Variants in VPS13D observed in about 807,000 individuals in gnomAD.
VPS13D encodes the protein vacuolar protein sorting 13 homolog D, also known as intermembrane lipid transfer protein VPS13D.
In VPS13D, 187 loss-of-function variants were observed where a neutral mutation model predicts 461.9. The ratio of observed to expected loss-of-function variants is 0.40; its 90% CI spans 0.36 to 0.46. The LOEUF is 0.46. Among genes scored for constraint, VPS13D ranks in the 20% least tolerant of loss-of-function variants. VPS13D has a pLI of 0.60. For synonymous variants in VPS13D, 1,951 were observed against 1,986.3 expected (o/e 0.98, Z 0.47); for missense variants, 4,711 against 5,364.9 (o/e 0.88, Z 3.81).
intron 68 of VPS13D, chr1:12,499,887 A>T: frequency 1.0e-6 from 1 of 985,438 alleles, no homozygotes; most frequent in Non-Finnish European, 1.2e-6. Context: ...AAAGCCCACG[A>T]GCGCCAAATT....
chr1:12,247,212 C>T (rs1296550691), intron 5 of VPS13D, among the ~76,000 whole-genome samples: 1 of 152,106 alleles, frequency 6.6e-6, no homozygotes, highest in East Asian at 1.9e-4. Flanking sequence ...TGCTTGAGGT[C>T]AGGAGATCGA....
chr1:12,386,393 G>T, intron 60 of VPS13D, 59 bp downstream of exon 60: 1 of 1,502,216 alleles, frequency 6.7e-7, no homozygotes, highest in Non-Finnish European at 8.9e-7. Flanking sequence ...CACCCAACCA[G>T]ATCTAATGTT....
rs773515964 is a variant in VPS13D, at chr1:12,509,050, C to T, written c.*26C>T. 9 of 1,612,426 alleles carry T rather than the reference C, an allele frequency of 5.6e-6. No individual in the cohort carries two copies. Among genetic ancestry groups the T allele is most frequent in the South Asian group, 1.1e-5 (1 of 90,614 alleles). ...AGCCCCGCTGCTGAGATGGGCGCTC[C>T]CGACACAGCGCAGACCCACCAGGAG... is the stretch of plus-strand genomic sequence containing the variant. On this transcript the variant is annotated 3_prime_UTR_variant, in exon 70 of 70. Transcript: ENST00000620676.
Position 12,507,383 on chromosome 1 carries a change from T to A in VPS13D, c.13035+290T>A. The A allele has an allele frequency of 1.6e-6, 1 of 633,078 alleles. No homozygotes were observed. Among genetic ancestry groups the A allele is most frequent in the Non-Finnish European group, 3.0e-6 (1 of 334,390 alleles). 39.2% of individuals were successfully genotyped at this position (633,078 alleles called of 1,614,324 possible). A position where few individuals can be genotyped will look rare whatever the true frequency, so the allele number is the denominator to read the frequency against. Reference sequence around the variant, plus strand: ...GGGTAACAATACTTACTCTCGTTGGTGATAAGGAACAGCTAACACAACACA... The same window carrying A: ...GGGTAACAATACTTACTCTCGTTGGAGATAAGGAACAGCTAACACAACACA... On this transcript the variant is annotated intron_variant, in intron 69 of 69. Coordinates refer to ENST00000620676, the MANE Select transcript of VPS13D (RefSeq NM_015378.4). The surrounding 1 kb of genome is among the most constrained non-coding windows in gnomAD (Gnocchi z 5.3).
chr1:12,508,352 G>A (rs1227046016), intron 69 of VPS13D, among the ~76,000 whole-genome samples: 3 of 152,066 alleles, frequency 2.0e-5, no homozygotes, highest in Admixed American at 2.0e-4. Flanking sequence ...AGTTATGGCC[G>A]TGGGGGGGAG....
At chr1:12,357,606 C>T (rs1003369549) in intron 49 of VPS13D, among the ~76,000 whole-genome samples, 4 of 152,066 alleles carry the variant, frequency 2.6e-5, no homozygotes, top group African/African-American at 9.7e-5. Context: ...TGCTACCTGC[C>T]CAAGTTTACA....
intron 50 of VPS13D, among the ~76,000 whole-genome samples, chr1:12,360,381 G>C (rs1643931015): frequency 6.6e-6 from 1 of 152,160 alleles, no homozygotes; most frequent in Non-Finnish European, 1.5e-5. Context: ...GGCTTGCCAG[G>C]TAGCCTCACA....
chr1:12,253,883 G>C, intron 7 of VPS13D, 57 bp downstream of exon 7: 1 of 1,403,596 alleles, frequency 7.1e-7, no homozygotes, highest in Non-Finnish European at 1.0e-6. Context: ...AGCGGCGTAG[G>C]GTCACTGCCA....
rs760262712 is a variant in VPS13D, at chr1:12,283,491, C to T, written c.5389C>T (p.Pro1797Ser). The T allele has an allele frequency of 1.2e-6, 2 of 1,614,206 alleles. No individual in the cohort carries two copies. The highest frequency in any genetic ancestry group is 1.1e-5 in the South Asian group (1 of 91,082). ...CATATTCTTGGTAGATAAGAAACAT[C>T]CAGAATTCTCTTCCAGTTACAATCG... Reference protein sequence around the residue: ...INIFLVDKKHPEFSSSYNRVN... With the variant: ...INIFLVDKKHSEFSSSYNRVN... Residue 1797 changes from proline to serine, a missense_variant, in exon 21 of 70, where the codon CCA (proline) becomes TCA (serine). By Grantham distance (74) the Pro-to-Ser change is moderately conservative. Transcript: ENST00000620676.
Position 12,395,996 on chromosome 1 carries a change from G to GATATATATATATAT in VPS13D, c.11635-4165_11635-4152dup, listed in dbSNP as rs58476786. On this transcript the variant is annotated intron_variant, in intron 60 of 69. Coordinates refer to ENST00000620676, the MANE Select transcript of VPS13D (RefSeq NM_015378.4). ...TCTTAGAGGGATAGAACTAATAGGA[G>GATATATATATATAT]ATATATATATATATATATATATATA... is the stretch of plus-strand genomic sequence containing the variant. Among the ~76,000 whole-genome samples, 490 of 73,684 alleles carry GATATATATATATAT rather than the reference G, an allele frequency of 6.7e-3. 13 individuals carry two copies. Among genetic ancestry groups the GATATATATATATAT allele is most frequent in the South Asian group, 8.5e-3 (16 of 1,880 alleles). 48.3% of individuals were successfully genotyped at this position (73,684 alleles called of 152,430 possible).
chr1:12,492,107 A>G (rs1034154181), intron 67 of VPS13D, among the ~76,000 whole-genome samples: 1 of 152,212 alleles, frequency 6.6e-6, no homozygotes, highest in African/African-American at 2.4e-5. Context: ...ACCCTGCCCA[A>G]GTAGCAGCAA....
intron 52 of VPS13D, among the ~76,000 whole-genome samples, chr1:12,367,015 G>C (rs577259346): frequency 9.2e-5 from 14 of 152,160 alleles, no homozygotes; most frequent in Non-Finnish European, 1.9e-4. Flanking sequence ...AGTTTTCATA[G>C]ACTGAATGAA....
rs1458156052 is a variant in VPS13D at position 12,362,642 on chromosome 1, A to T, written c.10142-78A>T. 3 of 1,374,762 alleles carry T rather than the reference A, an allele frequency of 2.2e-6. No homozygotes were observed. The Admixed American group carries it at 6.1e-5, about 28-fold the overall frequency. The allele number at this position is 1,374,762 out of a possible 1,614,324, so 85.2% of individuals were successfully genotyped here. Reference sequence around the variant, plus strand: ...TTCTCAGAGAAACTAAGTAACTGTGAAGGTTATTTATTTTTGTCAGACCAA... The same window carrying T: ...TTCTCAGAGAAACTAAGTAACTGTGTAGGTTATTTATTTTTGTCAGACCAA... On this transcript the variant is annotated intron_variant, in intron 50 of 69. Transcript: ENST00000620676.
chr1:12,483,042 T>G (rs1645745739), intron 67 of VPS13D, among the ~76,000 whole-genome samples: 1 of 152,234 alleles, frequency 6.6e-6, no homozygotes, highest in South Asian at 2.1e-4. Context: ...AATTCTCTCC[T>G]TAGGCTAAAG....
At chr1:12,265,006 C>G (rs1210360919) in intron 13 of VPS13D, among the ~76,000 whole-genome samples, 1 of 152,092 alleles carries the variant, frequency 6.6e-6, no homozygotes, top group Non-Finnish European at 1.5e-5. Context: ...GAATTATGCT[C>G]AATCTCCTCT....
chr1:12,368,722 A>G (rs926679883), intron 53 of VPS13D, 131 bp downstream of exon 53: 1 of 1,117,360 alleles, frequency 8.9e-7, no homozygotes, highest in Non-Finnish European at 1.2e-6. Flanking sequence ...TAGGTTCTTT[A>G]TATCTGGACA....
At chr1:12,388,137 G>T (rs959272705) in intron 60 of VPS13D, among the ~76,000 whole-genome samples, 1 of 152,210 alleles carries the variant, frequency 6.6e-6, no homozygotes, top group Non-Finnish European at 1.5e-5. Flanking sequence ...CTGAAGGGGA[G>T]AAATGGAAGT....
chr1:12,495,602 A>G lies in VPS13D; in HGVS notation c.12663-1898A>G, dbSNP rs994921342. Among the ~76,000 whole-genome samples, 1 of 152,230 alleles carries G rather than the reference A, an allele frequency of 6.6e-6. No homozygotes were observed. Among genetic ancestry groups the G allele is most frequent in the African/African-American group, 2.4e-5 (1 of 41,456 alleles). ...TGTTAGTTATGATCGAGATGGAGAA[A>G]TAGTCAGATTTGGGATATATATTGA... On this transcript the variant is annotated intron_variant, in intron 67 of 69. Coordinates refer to ENST00000620676, the MANE Select transcript of VPS13D (RefSeq NM_015378.4). The surrounding 1 kb of genome is among the most constrained non-coding windows in gnomAD (Gnocchi z 4.0).
intron 67 of VPS13D, among the ~76,000 whole-genome samples, chr1:12,462,029 C>T (rs1417323215): frequency 6.6e-6 from 1 of 152,124 alleles, no homozygotes. Flanking sequence ...ACATAGCTGC[C>T]ATTTATTCAT....
Sources: allele counts gnomAD v4.1 joint callset (sites outside exome capture counted in the v4.1 genomes callset), GRCh38; gene constraint gnomAD v4.1.1; non-coding constraint Gnocchi (gnomAD v3.1); transcripts MANE v1.5; gene names NCBI Gene and HGNC (gene_info 2026-07-23, HGNC 2026-07-21).